Variants in TPRG1 observed in about 807,000 individuals in gnomAD.
TPRG1 encodes tumor protein p63-regulated gene 1 protein.
TPRG1 carries 29 observed loss-of-function variants against 29.3 expected under a neutral mutation model. The observed-to-expected ratio is 0.99, with a 90% CI of 0.74 to 1.35. TPRG1 has a LOEUF of 1.35. Ranked by LOEUF, TPRG1 falls within the 40% of genes most tolerant of loss-of-function variation. The probability of loss-of-function intolerance (pLI) is 0.00; values close to 1 mark genes in which losing one functional copy is unlikely to be tolerated. For missense variants in TPRG1, 327 were observed against 335.0 expected (o/e 0.98, Z 0.19); for synonymous variants, 130 against 116.8 (o/e 1.11, Z -0.73).
At chr3:189,160,395 C>G (rs979612909) in intron 5 of TPRG1, among the ~76,000 whole-genome samples, 1 of 152,182 alleles carries the variant, frequency 6.6e-6, no homozygotes, top group African/African-American at 2.4e-5. Context: ...AATCCCTCCT[C>G]CACTTTAATT....
chr3:189,201,026 C>G (rs1056951946), intron 1 of TPRG1, among the ~76,000 whole-genome samples: 19 of 152,328 alleles, frequency 1.2e-4, no homozygotes, highest in Admixed American at 5.2e-4. Context: ...GAGGACACAG[C>G]ATTTGTCCCC....
At chr3:189,157,897 T>A (rs1726910585) in intron 5 of TPRG1, among the ~76,000 whole-genome samples, 1 of 152,178 alleles carries the variant, frequency 6.6e-6, no homozygotes, top group Non-Finnish European at 1.5e-5. Flanking sequence ...CAAGACTGAA[T>A]GACTGGTGCT....
At chr3:189,199,924 T>C (rs538367566) in intron 1 of TPRG1, among the ~76,000 whole-genome samples, 1 of 151,912 alleles carries the variant, frequency 6.6e-6, no homozygotes, top group Non-Finnish European at 1.5e-5. Context: ...AAACAATGAA[T>C]AGTATCCAGG....
chr3:189,146,719 A>G (rs1405650444), intron 3 of TPRG1, among the ~76,000 whole-genome samples: 1 of 152,212 alleles, frequency 6.6e-6, no homozygotes, highest in Non-Finnish European at 1.5e-5. Flanking sequence ...CACAGTTTAC[A>G]TACTAAATAA....
chr3:189,157,845 C>T (rs1726902541), intron 5 of TPRG1, among the ~76,000 whole-genome samples: 1 of 152,132 alleles, frequency 6.6e-6, no homozygotes, highest in African/African-American at 2.4e-5. Context: ...CCCTCCATTC[C>T]TTCTCCTTCC....
At chr3:189,278,452 G>A (rs1307224032) in intron 4 of TPRG1, among the ~76,000 whole-genome samples, 1 of 152,156 alleles carries the variant, frequency 6.6e-6, no homozygotes, top group African/African-American at 2.4e-5. Context: ...AGCAGATTGT[G>A]TAACCAGACC....
intron 1 of TPRG1, among the ~76,000 whole-genome samples, chr3:189,191,432 G>A (rs569534681): frequency 6.6e-6 from 1 of 152,114 alleles, no homozygotes; most frequent in Non-Finnish European, 1.5e-5. Flanking sequence ...TATTGTTCTA[G>A]CTCTTTTGCC....
intron 4 of TPRG1, among the ~76,000 whole-genome samples, chr3:189,299,626 A>ATTTTTTTTT (rs60136863): frequency 7.4e-6 from 1 of 135,686 alleles, no homozygotes; most frequent in African/African-American, 2.7e-5. Context: ...TGAGTTGTGT[A>ATTTTTTTTT]TTTTTTTTTT....
At chr3:189,285,098 A>T (rs1717829141) in intron 4 of TPRG1, among the ~76,000 whole-genome samples, 1 of 152,220 alleles carries the variant, frequency 6.6e-6, no homozygotes, top group Non-Finnish European at 1.5e-5. Flanking sequence ...TACAAGAAAA[A>T]AATCAAACAA....
At chr3:189,175,334 T>G (rs1244901837) in intron 1 of TPRG1, among the ~76,000 whole-genome samples, 1 of 152,108 alleles carries the variant, frequency 6.6e-6, no homozygotes, top group Non-Finnish European at 1.5e-5. Flanking sequence ...AACTCCCAAG[T>G]CAATACTATT....
At chr3:189,250,526 T>G (rs1742069554) in intron 4 of TPRG1, among the ~76,000 whole-genome samples, 1 of 42,748 alleles carries the variant, frequency 2.3e-5, no homozygotes, top group African/African-American at 1.0e-4. Flanking sequence ...CCACCCAGAT[T>G]AAAGCTTTTG....
chr3:189,073,761 T>C (rs891211484), intron 4 of TPRG1, among the ~76,000 whole-genome samples: 1 of 152,204 alleles, frequency 6.6e-6, no homozygotes, highest in Non-Finnish European at 1.5e-5. Context: ...CTTTCAATGT[T>C]TCTTTTAGGA....
intron 1 of TPRG1, among the ~76,000 whole-genome samples, chr3:189,186,581 G>A (rs946801879): frequency 4.6e-5 from 7 of 151,776 alleles, no homozygotes; most frequent in Admixed American, 6.6e-5. Flanking sequence ...AATATATTCC[G>A]GCTCTTTTAG....
rs955939648 is a variant in TPRG1 at position 189,110,558 on chromosome 3, T to TA, written c.-744+10363dup. 5.7e-4 allele frequency among the ~76,000 whole-genome samples: 86 copies of TA among 151,794 alleles called. 4 individuals carry two copies. In the South Asian group the frequency reaches 0.013, roughly 22 times the overall value. ...TTTATATTTGATTAGGTAAAATATG[T>TA]AAAAAAAAATTTGGCTTAGACTTTT... On this transcript the variant is annotated intron_variant, in intron 1 of 6. Transcript: ENST00000412373.
chr3:189,178,422 G>A (rs1013463262), intron 1 of TPRG1, among the ~76,000 whole-genome samples: 1 of 152,134 alleles, frequency 6.6e-6, no homozygotes, highest in Non-Finnish European at 1.5e-5. Flanking sequence ...CCAGCTACTC[G>A]CAAGGCTGAG....
chr3:189,104,925 T>A (rs569551883), intron 1 of TPRG1, among the ~76,000 whole-genome samples: 17 of 152,216 alleles, frequency 1.1e-4, no homozygotes, highest in African/African-American at 2.2e-4. Context: ...AAATCATAAT[T>A]CAAGTTTTTC....
chr3:189,087,775 A>C (rs1453086539), intron 4 of TPRG1, among the ~76,000 whole-genome samples: 2 of 152,138 alleles, frequency 1.3e-5, no homozygotes, highest in Non-Finnish European at 2.9e-5. Context: ...TCCTTTCCCC[A>C]TTTCTTGTTT....
At chr3:189,229,170 A>G (rs974798230) in intron 3 of TPRG1, among the ~76,000 whole-genome samples, 5 of 152,342 alleles carry the variant, frequency 3.3e-5, no homozygotes, top group East Asian at 1.9e-4. Flanking sequence ...GGAAGACCCA[A>G]CATAGTAAAG....
At chr3:189,184,903 G>A (rs1210427446) in intron 1 of TPRG1, among the ~76,000 whole-genome samples, 1 of 152,204 alleles carries the variant, frequency 6.6e-6, no homozygotes, top group Non-Finnish European at 1.5e-5. Flanking sequence ...ATCTTACCTA[G>A]TGGAGCTTAT....
Sources: gnomAD v4.1 joint callset for allele counts (sites outside exome capture counted in the v4.1 genomes callset) on GRCh38, gnomAD v4.1.1 for gene constraint, MANE v1.5 for transcripts, NCBI Gene and HGNC (gene_info 2026-07-23, HGNC 2026-07-21) for gene names.